Variants in ERBB4 observed in about 807,000 individuals in gnomAD.
The protein encoded by ERBB4 is receptor tyrosine-protein kinase erbB-4.
In ERBB4, 42 loss-of-function variants were observed where a neutral mutation model predicts 158.0. The observed-to-expected ratio is 0.27, with a 90% CI of 0.21 to 0.34. The LOEUF (loss-of-function observed/expected upper bound fraction) is 0.34, where lower values mean the gene tolerates loss of function less well. Among genes scored for constraint, ERBB4 ranks in the 10% least tolerant of loss-of-function variants. The pLI, the probability that ERBB4 is intolerant of heterozygous loss-of-function variation, is 1.00. For missense variants in ERBB4, 1,333 were observed against 1,624.1 expected, an observed-to-expected ratio of 0.82 and a Z score of 3.08; for synonymous variants, 583 against 558.7, an observed-to-expected ratio of 1.04 and a Z score of -0.61.
chr2:212,406,129 A>T (rs1408592461), intron 1 of ERBB4, among the ~76,000 whole-genome samples: 2 of 152,048 alleles, frequency 1.3e-5, no homozygotes, highest in African/African-American at 2.4e-5. Context: ...TCTATTTCTG[A>T]TTTTATTCCC....
intron 3 of ERBB4, among the ~76,000 whole-genome samples, chr2:211,807,970 G>T (rs1312888325): frequency 6.6e-6 from 1 of 152,146 alleles, no homozygotes; most frequent in Non-Finnish European, 1.5e-5. Flanking sequence ...TTTTGATGGG[G>T]TTGTTTGCTT....
In ERBB4 at chr2:211,378,069, A is replaced by G. The variant is rs115200181; in HGVS notation, c.*5546T>C. ...TGGCTTAAGAAAGGAACAGGACAGC[A>G]TCGGGGGACTACTTTGAACCAGGGT... On this transcript the variant is annotated 3_prime_UTR_variant, in exon 28 of 28. Coordinates refer to ENST00000342788, the MANE Select transcript of ERBB4 (RefSeq NM_005235.3). 9.3e-3 allele frequency: 2,170 copies of G among 233,174 alleles called. 43 individuals are homozygous for G. The highest frequency in any genetic ancestry group is 0.043 in the African/African-American group (1,966 of 45,402). 14.4% of individuals were successfully genotyped at this position (233,174 alleles called of 1,614,324 possible).
chr2:212,140,380 T>TATTTATATATATG (rs2080415178), intron 1 of ERBB4, among the ~76,000 whole-genome samples: 1 of 120,858 alleles, frequency 8.3e-6, no homozygotes, highest in African/African-American at 4.8e-5. Flanking sequence ...TATCTATATG[T>TATTTATATATATG]TTATGTATCT....
intron 4 of ERBB4, among the ~76,000 whole-genome samples, chr2:211,770,080 G>A (rs760315873): frequency 2.6e-5 from 4 of 152,074 alleles, no homozygotes; most frequent in Non-Finnish European, 4.4e-5. Context: ...TAACCTCTAC[G>A]CCTAATTCTT....
intron 2 of ERBB4, among the ~76,000 whole-genome samples, chr2:211,972,647 A>C (rs1272671650): frequency 6.6e-6 from 1 of 152,218 alleles, no homozygotes; most frequent in Non-Finnish European, 1.5e-5. Flanking sequence ...AGAAACAAGC[A>C]ATGGAGAAAT....
intron 3 of ERBB4, among the ~76,000 whole-genome samples, chr2:211,798,562 T>C (rs529750944): frequency 2.0e-5 from 3 of 152,146 alleles, no homozygotes; most frequent in Non-Finnish European, 2.9e-5. Flanking sequence ...TCCAGTTACA[T>C]ACTAGGTGTT....
intron 1 of ERBB4, among the ~76,000 whole-genome samples, chr2:212,208,422 G>C (rs911911648): frequency 6.6e-6 from 1 of 151,926 alleles, no homozygotes; most frequent in African/African-American, 2.4e-5. Context: ...CTTGAAGAAA[G>C]ATTCAATGAA....
chr2:212,232,565 C>T (rs1017884969), intron 1 of ERBB4, among the ~76,000 whole-genome samples: 71 of 152,244 alleles, frequency 4.7e-4, no homozygotes, highest in Middle Eastern at 3.4e-3. Context: ...CCTGCCACCA[C>T]GCCTGGCTAA....
At chr2:212,425,999 G>C (rs901077798) in intron 1 of ERBB4, among the ~76,000 whole-genome samples, 1 of 151,896 alleles carries the variant, frequency 6.6e-6, no homozygotes, top group Non-Finnish European at 1.5e-5. Flanking sequence ...CAATGTTCAC[G>C]TATTCAATCA....
At chr2:211,529,762 A>G (rs532709392) in intron 20 of ERBB4, among the ~76,000 whole-genome samples, 1 of 152,284 alleles carries the variant, frequency 6.6e-6, no homozygotes, top group East Asian at 1.9e-4. Context: ...AATCATTTCA[A>G]TTGAAGCTAA....
At chr2:212,439,792 G>C (rs1248113476) in intron 1 of ERBB4, among the ~76,000 whole-genome samples, 1 of 152,112 alleles carries the variant, frequency 6.6e-6, no homozygotes, top group Non-Finnish European at 1.5e-5. Flanking sequence ...TCCAACACCT[G>C]AGGAAAGTAT....
chr2:211,742,262 A>G (rs1017648046), intron 5 of ERBB4, among the ~76,000 whole-genome samples: 2 of 152,214 alleles, frequency 1.3e-5, no homozygotes, highest in Non-Finnish European at 2.9e-5. Context: ...TTTGTTCCAC[A>G]AAGAATGTAA....
At position 212,319,322 on chromosome 2, in the gene ERBB4, A is replaced by T. The variant is rs78585560; in HGVS notation, c.83-194419T>A. ...GTCTAAGTTTTAAACGTCCTCAGAC[A>T]TTCCAATTCACTTTTCCTGGGTTTA... On this transcript the variant is annotated intron_variant, in intron 1 of 27. Transcript: ENST00000342788. 9.3e-5 allele frequency among the ~76,000 whole-genome samples: 14 copies of T among 150,966 alleles called. No individual in the cohort carries two copies. In the East Asian group the frequency reaches 2.7e-3, roughly 30 times the overall value.
chr2:211,661,621 T>A (rs368721881), intron 15 of ERBB4, among the ~76,000 whole-genome samples: 1 of 152,092 alleles, frequency 6.6e-6, no homozygotes, highest in Non-Finnish European at 1.5e-5. Flanking sequence ...ATGAAGGAAA[T>A]TTTTAAAAAT....
chr2:212,103,038 C>G (rs879480263), intron 2 of ERBB4, among the ~76,000 whole-genome samples: 19 of 152,212 alleles, frequency 1.2e-4, no homozygotes, highest in Non-Finnish European at 2.4e-4. Context: ...CTCTGTCCAT[C>G]TCTCCATCAA....
chr2:211,691,747 T>TG (rs897256258), intron 12 of ERBB4, among the ~76,000 whole-genome samples: 1 of 150,608 alleles, frequency 6.6e-6, no homozygotes, highest in South Asian at 2.1e-4. Context: ...GGCAAAGGGG[T>TG]GGGGGAAAGG....
intron 1 of ERBB4, among the ~76,000 whole-genome samples, chr2:212,202,419 G>T (rs1468377897): frequency 1.3e-5 from 2 of 152,148 alleles, no homozygotes; most frequent in East Asian, 3.9e-4. Flanking sequence ...TACGATCATG[G>T]ATCCATGCAT....
chr2:211,447,919 C>T (rs1050845778), intron 20 of ERBB4, among the ~76,000 whole-genome samples: 1 of 152,094 alleles, frequency 6.6e-6, no homozygotes, highest in Non-Finnish European at 1.5e-5. Flanking sequence ...AGAAACATGG[C>T]TGGGGTTTGG....
chr2:211,651,279 A>G (rs113516563), intron 16 of ERBB4, among the ~76,000 whole-genome samples: 1,567 of 152,314 alleles, frequency 0.01, 32 homozygotes, highest in African/African-American at 0.035. Context: ...GATCTCTCAT[A>G]CATAGATGTG....
Sources: gnomAD v4.1 joint callset for allele counts (sites outside exome capture counted in the v4.1 genomes callset) on GRCh38, gnomAD v4.1.1 for gene constraint, MANE v1.5 for transcripts, NCBI Gene and HGNC (gene_info 2026-07-23, HGNC 2026-07-21) for gene names.